CDC42BPB: variants seen among roughly 807,000 people sequenced by gnomAD.
CDC42BPB encodes CDC42 binding protein kinase beta.
In CDC42BPB, 37 loss-of-function variants were observed where a neutral mutation model predicts 214.9. The ratio of observed to expected loss-of-function variants is 0.17; its 90% CI spans 0.13 to 0.23. The LOEUF (loss-of-function observed/expected upper bound fraction) is 0.23, where lower values mean the gene tolerates loss of function less well. Ranked by LOEUF, CDC42BPB falls within the 10% of genes least tolerant of loss-of-function variation. The probability of loss-of-function intolerance (pLI) is 1.00; values close to 1 mark genes in which losing one functional copy is unlikely to be tolerated. For synonymous variants in CDC42BPB, 931 were observed against 884.0 expected, an observed-to-expected ratio of 1.05 and a Z score of -0.94; for missense variants, 1,694 against 2,227.0, an observed-to-expected ratio of 0.76 and a Z score of 4.82.
intron 20 of CDC42BPB, among the ~76,000 whole-genome samples, chr14:102,961,205 G>A (rs1290527421): frequency 6.7e-6 from 1 of 150,176 alleles, no homozygotes; most frequent in African/African-American, 2.5e-5. Flanking sequence ...AATCAATCAT[G>A]AAGCCACACA....
At chr14:103,000,282 G>A (rs1048683065) in intron 4 of CDC42BPB, among the ~76,000 whole-genome samples, 15 of 152,204 alleles carry the variant, frequency 9.9e-5, no homozygotes, top group African/African-American at 3.1e-4. Flanking sequence ...CTGCTAACAG[G>A]GCTGAGCCCG....
intron 1 of CDC42BPB, 149 bp from the exon 2 acceptor site, chr14:103,012,337 C>G: frequency 7.0e-7 from 1 of 1,435,052 alleles, no homozygotes; most frequent in South Asian, 1.5e-5. Context: ...AAAGTGAGCA[C>G]TTATACCAAT....
At chr14:102,934,923 T>C (rs1370390745) in intron 36 of CDC42BPB, among the ~76,000 whole-genome samples, 1 of 147,036 alleles carries the variant, frequency 6.8e-6, no homozygotes, top group Non-Finnish European at 1.5e-5. Flanking sequence ...GGCAGGAGAA[T>C]GGCGTGAACC....
intron 5 of CDC42BPB, among the ~76,000 whole-genome samples, chr14:102,991,052 A>G (rs1243393090): frequency 6.6e-6 from 1 of 152,098 alleles, no homozygotes; most frequent in Non-Finnish European, 1.5e-5. Flanking sequence ...ATGGGTACTA[A>G]ATCTCTGGAG....
At chr14:102,973,391 G>C (rs1461921352) in intron 12 of CDC42BPB, among the ~76,000 whole-genome samples, 1 of 152,226 alleles carries the variant, frequency 6.6e-6, no homozygotes, top group East Asian at 1.9e-4. Context: ...ATATAATTGT[G>C]TTAGTAACAT....
chr14:103,031,989 TA>T (rs137998424), intron 1 of CDC42BPB, among the ~76,000 whole-genome samples: 5,572 of 138,134 alleles, frequency 0.04, 307 homozygotes, highest in African/African-American at 0.17. Flanking sequence ...TTATTATTAT[TA>T]TTTTTTTTTT....
At chr14:103,019,746 T>C (rs1456838617) in intron 1 of CDC42BPB, among the ~76,000 whole-genome samples, 1 of 152,236 alleles carries the variant, frequency 6.6e-6, no homozygotes, top group East Asian at 1.9e-4. Flanking sequence ...AATTTTCTCC[T>C]CATCAATCTC....
chr14:102,939,368 A>C (rs1015743179), intron 34 of CDC42BPB, among the ~76,000 whole-genome samples: 2 of 152,240 alleles, frequency 1.3e-5, no homozygotes, highest in African/African-American at 4.8e-5. Context: ...GTGGACTCTC[A>C]CAAGTACCTG....
intron 3 of CDC42BPB, among the ~76,000 whole-genome samples, chr14:103,007,144 G>C (rs1233689745): frequency 6.6e-6 from 1 of 152,158 alleles, no homozygotes; most frequent in African/African-American, 2.4e-5. Context: ...GAGACCCAGG[G>C]GGCCGAAGCA....
In CDC42BPB at chr14:102,971,911, A is replaced by G. The variant is rs1566869800; in HGVS notation, c.1884+8T>C. On this transcript the variant is annotated splice_region_variant and intron_variant, in intron 13 of 36. Transcript: ENST00000361246. ...TCGATACCATCCCTGAACCATCTCC[A>G]CAGCTACCTCTTTCCTGAGCTTCTC... is the stretch of plus-strand genomic sequence containing the variant. 6.2e-7 allele frequency: 1 copy of G among 1,613,486 alleles called. No individual in the cohort carries two copies. The highest frequency in any genetic ancestry group is 8.5e-7 in the Non-Finnish European group (1 of 1,179,552).
intron 36 of CDC42BPB, among the ~76,000 whole-genome samples, chr14:102,934,867 T>A (rs12432253): frequency 6.7e-6 from 1 of 150,356 alleles, no homozygotes; most frequent in East Asian, 2.0e-4. Context: ...AAAATTAGCC[T>A]GGCATGGTGG....
chr14:103,041,335 A>G, intron 1 of CDC42BPB: 2 of 465,282 alleles, frequency 4.3e-6, no homozygotes, highest in Admixed American at 3.8e-5. Flanking sequence ...AGAAGAAAAC[A>G]CATGTATAAA....
intron 9 of CDC42BPB, among the ~76,000 whole-genome samples, chr14:102,977,651 G>C (rs1045297623): frequency 2.0e-5 from 3 of 152,188 alleles, no homozygotes; most frequent in Non-Finnish European, 4.4e-5. Flanking sequence ...AGCTGAGTGC[G>C]CATGGCAACT....
At position 102,943,683 on chromosome 14, in the gene CDC42BPB, G is replaced by A. The variant is rs1310094274; in HGVS notation, c.4408+208C>T. The A allele has an allele frequency of 8.8e-6, 5 of 568,194 alleles. No homozygotes were observed. Among genetic ancestry groups the A allele is most frequent in the African/African-American group, 1.9e-5 (1 of 53,224 alleles). The allele number at this position is 568,194 out of a possible 1,614,324, so 35.2% of individuals were successfully genotyped here. A position where few individuals can be genotyped will look rare whatever the true frequency, so the allele number is the denominator to read the frequency against. Reference sequence around the variant, plus strand: ...AACCGGCCCCATGTGCTCAGGGAGAGAGGTTGCTGAGCCCGCCTACTGCTG... The same window carrying A: ...AACCGGCCCCATGTGCTCAGGGAGAAAGGTTGCTGAGCCCGCCTACTGCTG... On this transcript the variant is annotated intron_variant, in intron 30 of 36. Coordinates refer to ENST00000361246, the MANE Select transcript of CDC42BPB (RefSeq NM_006035.4). The surrounding 1 kb of genome is among the most constrained non-coding windows in gnomAD (Gnocchi z 4.6).
Position 103,004,304 on chromosome 14 carries a change from C to A in CDC42BPB, c.352-281G>T. On this transcript the variant is annotated intron_variant, in intron 3 of 36. Coordinates refer to ENST00000361246, the MANE Select transcript of CDC42BPB (RefSeq NM_006035.4). The surrounding 1 kb of genome is among the most constrained non-coding windows in gnomAD (Gnocchi z 5.3). ...GGCTGACACTTAGATTCACCCCACC[C>A]TTATGTGGATTCCTGACTGGGCTCC... The A allele has an allele frequency of 1.7e-6, 1 of 593,540 alleles. No homozygotes were observed. Among genetic ancestry groups the A allele is most frequent in the Non-Finnish European group, 2.4e-6 (1 of 424,638 alleles). The allele number at this position is 593,540 out of a possible 1,614,324, so 36.8% of individuals were successfully genotyped here. A position where few individuals can be genotyped will look rare whatever the true frequency, so the allele number is the denominator to read the frequency against.
At chr14:103,029,529 C>A (rs1266981341) in intron 1 of CDC42BPB, among the ~76,000 whole-genome samples, 7 of 134,014 alleles carry the variant, frequency 5.2e-5, no homozygotes, top group Non-Finnish European at 9.4e-5. Context: ...GGCAACAGAG[C>A]AAGACTCTGT....
chr14:103,023,173 T>A (rs1273549385), intron 1 of CDC42BPB, among the ~76,000 whole-genome samples: 1 of 149,656 alleles, frequency 6.7e-6, no homozygotes, highest in Non-Finnish European at 1.5e-5. Context: ...GGCTAATTTT[T>A]TTTTTTTTTT....
chr14:103,005,339 C>T (rs1026305119), intron 3 of CDC42BPB, among the ~76,000 whole-genome samples: 13 of 152,176 alleles, frequency 8.5e-5, no homozygotes, highest in African/African-American at 2.7e-4. Flanking sequence ...CAGTTCTGAC[C>T]GGCTCTCAGC....
At chr14:102,987,139 G>T (rs149563493) in intron 5 of CDC42BPB, among the ~76,000 whole-genome samples, 2 of 152,226 alleles carry the variant, frequency 1.3e-5, no homozygotes, top group East Asian at 3.8e-4. Flanking sequence ...CGATCTGGGG[G>T]AAGACTGCTG....
Sources: gnomAD v4.1 joint callset for allele counts (sites outside exome capture counted in the v4.1 genomes callset) on GRCh38, gnomAD v4.1.1 for gene constraint, Gnocchi (gnomAD v3.1) non-coding constraint, MANE v1.5 for transcripts, NCBI Gene and HGNC (gene_info 2026-07-23, HGNC 2026-07-21) for gene names.